The following MVB12B variants were observed in gnomAD, a reference collection of about 807,000 sequenced individuals.
The protein encoded by MVB12B is ESCRT-I complex subunit MVB12B.
A neutral mutation model predicts 41.6 loss-of-function variants in MVB12B; 16 were observed. That is an observed-to-expected ratio of 0.38 (90% CI 0.26 to 0.58). The LOEUF is 0.58. Among genes scored for constraint, MVB12B ranks in the 20% least tolerant of loss-of-function variants. The pLI, the probability that MVB12B is intolerant of heterozygous loss-of-function variation, is 0.62. For synonymous variants in MVB12B, 133 were observed against 139.7 expected (o/e 0.95, Z 0.34); for missense variants, 274 against 380.2 (o/e 0.72, Z 2.32).
chr9:126,353,825 A>G (rs1588098225), intron 2 of MVB12B, among the ~76,000 whole-genome samples: 1 of 152,222 alleles, frequency 6.6e-6, no homozygotes, highest in East Asian at 1.9e-4. Context: ...GTGAAAAGCA[A>G]TGCTGATGAT....
In MVB12B at chr9:126,397,440, AC is replaced by A. The variant is rs1318785860; in HGVS notation, c.662+1745del. 42 of 985,292 alleles carry A rather than the reference AC, an allele frequency of 4.3e-5. No individual in the cohort carries two copies. The African/African-American group carries it at 7.0e-4, about 16-fold the overall frequency. 61.0% of individuals were successfully genotyped at this position (985,292 alleles called of 1,614,324 possible). ...GTTTATAAGGCTTATGTATTTTATCACCTCTGCTGTACAGTTTATGGTTTAC... is the reference window on the plus strand; with the variant it reads ...GTTTATAAGGCTTATGTATTTTATCACTCTGCTGTACAGTTTATGGTTTAC... On this transcript the variant is annotated intron_variant, in intron 6 of 9. Transcript: ENST00000361171.
chr9:126,439,281 C>T (rs1202741993), intron 7 of MVB12B, among the ~76,000 whole-genome samples: 2 of 150,534 alleles, frequency 1.3e-5, no homozygotes, highest in Admixed American at 6.6e-5. Context: ...GGGGTGGGGG[C>T]GCTAGGCAGG....
At chr9:126,334,895 C>T (rs1354491282) in intron 1 of MVB12B, among the ~76,000 whole-genome samples, 2 of 152,194 alleles carry the variant, frequency 1.3e-5, no homozygotes, top group African/African-American at 4.8e-5. Context: ...GAAAGTGAAT[C>T]CTGGAACCTA....
intron 2 of MVB12B, among the ~76,000 whole-genome samples, chr9:126,350,668 G>C (rs1333717477): frequency 6.6e-6 from 1 of 152,120 alleles, no homozygotes; most frequent in African/African-American, 2.4e-5. Flanking sequence ...AAAGCCACCA[G>C]TTCTGCTCCC....
intron 2 of MVB12B, among the ~76,000 whole-genome samples, chr9:126,375,754 C>T (rs558268253): frequency 5.3e-5 from 8 of 152,256 alleles, no homozygotes; most frequent in African/African-American, 1.9e-4. Flanking sequence ...CACACTTAAT[C>T]GATAATGGGC....
intron 2 of MVB12B, among the ~76,000 whole-genome samples, chr9:126,373,355 A>G (rs1476766556): frequency 1.3e-5 from 2 of 152,202 alleles, no homozygotes; most frequent in East Asian, 3.9e-4. Context: ...CGCTGCTCTT[A>G]TTGAGTTTAA....
At chr9:126,420,716 T>C (rs1260211660) in intron 6 of MVB12B, among the ~76,000 whole-genome samples, 1 of 151,982 alleles carries the variant, frequency 6.6e-6, no homozygotes, top group Admixed American at 6.6e-5. Context: ...CCCAAGTAGC[T>C]GGGATTAGTA....
chr9:126,435,746 C>G (rs1167590688), intron 7 of MVB12B, among the ~76,000 whole-genome samples: 2 of 151,942 alleles, frequency 1.3e-5, no homozygotes, highest in Admixed American at 1.3e-4. Flanking sequence ...TCCCTGAGCT[C>G]ACTTGCTGCC....
In MVB12B at chr9:126,460,436, G is replaced by C. The variant is rs556212077; in HGVS notation, c.758-20933G>C. On this transcript the variant is annotated intron_variant, in intron 7 of 9. Transcript: ENST00000361171. ...ACGTCTCTGCTTCAGCTCACATCCAGCTGTGCTCTTGGTCATGCCAGGAGA... is the reference window on the plus strand; with the variant it reads ...ACGTCTCTGCTTCAGCTCACATCCACCTGTGCTCTTGGTCATGCCAGGAGA... 1.3e-4 allele frequency among the ~76,000 whole-genome samples: 20 copies of C among 152,286 alleles called. 1 individual carries two copies. In the South Asian group the frequency reaches 4.1e-3, roughly 32 times the overall value.
chr9:126,503,101 G>C (rs1833994193), intron 9 of MVB12B, 76 bp from the exon 10 acceptor site: 1 of 1,303,608 alleles, frequency 7.7e-7, no homozygotes. Flanking sequence ...GCCTGATCTT[G>C]ATCTGAGGCT....
chr9:126,384,060 A>G (rs967556556), intron 3 of MVB12B, among the ~76,000 whole-genome samples: 3 of 151,978 alleles, frequency 2.0e-5, no homozygotes, highest in Admixed American at 6.5e-5. Flanking sequence ...TAATTTCTCA[A>G]TGCAGAAAGC....
chr9:126,461,009 G>A (rs567260936), intron 7 of MVB12B, among the ~76,000 whole-genome samples: 1 of 152,318 alleles, frequency 6.6e-6, no homozygotes, highest in African/African-American at 2.4e-5. Context: ...TTACAGGACT[G>A]GTGACTGTTA....
At chr9:126,435,266 C>T (rs1832439912) in intron 7 of MVB12B, among the ~76,000 whole-genome samples, 1 of 152,158 alleles carries the variant, frequency 6.6e-6, no homozygotes, top group Non-Finnish European at 1.5e-5. Context: ...TGGTCTCATT[C>T]ACCCTGCAGT....
At chr9:126,400,083 C>T (rs576367192) in intron 6 of MVB12B, among the ~76,000 whole-genome samples, 48 of 152,266 alleles carry the variant, frequency 3.2e-4, no homozygotes, top group African/African-American at 1.1e-3. Context: ...GAGTCCTGCT[C>T]CTGGGGCGTG....
intron 6 of MVB12B, among the ~76,000 whole-genome samples, chr9:126,403,856 C>G (rs1198992141): frequency 1.3e-5 from 2 of 152,040 alleles, no homozygotes; most frequent in African/African-American, 4.8e-5. Context: ...TTATGCATCG[C>G]CCTTCCATCC....
chr9:126,479,474 T>TA (rs1325706908), intron 7 of MVB12B, among the ~76,000 whole-genome samples: 1 of 152,178 alleles, frequency 6.6e-6, no homozygotes, highest in Non-Finnish European at 1.5e-5. Flanking sequence ...CATAGGTACT[T>TA]AGAGTTCACA....
intron 2 of MVB12B, among the ~76,000 whole-genome samples, chr9:126,368,670 C>A (rs971980012): frequency 6.6e-6 from 1 of 152,120 alleles, no homozygotes; most frequent in African/African-American, 2.4e-5. Context: ...TGACAGTTTG[C>A]AAGTATCTTT....
At chr9:126,502,561 G>A (rs1284970522) in intron 9 of MVB12B, among the ~76,000 whole-genome samples, 1 of 152,154 alleles carries the variant, frequency 6.6e-6, no homozygotes, top group Admixed American at 6.5e-5. Context: ...AGCTGCCCTG[G>A]CCCCGCTGTG....
At chr9:126,385,053 T>G (rs1403304096) in intron 3 of MVB12B, among the ~76,000 whole-genome samples, 19 of 151,918 alleles carry the variant, frequency 1.3e-4, no homozygotes, top group Non-Finnish European at 4.4e-5. Flanking sequence ...CCCAGGCTGG[T>G]CTCAAACTCC....
Sources: allele counts gnomAD v4.1 joint callset (sites outside exome capture counted in the v4.1 genomes callset), GRCh38; gene constraint gnomAD v4.1.1; transcripts MANE v1.5; gene names NCBI Gene and HGNC (gene_info 2026-07-23, HGNC 2026-07-21).